SMYD3: variants seen among roughly 807,000 people sequenced by gnomAD.
SMYD3 encodes SET and MYND domain containing 3.
A neutral mutation model predicts 57.7 loss-of-function variants in SMYD3; 36 were observed. That is an observed-to-expected ratio of 0.62 (90% confidence interval 0.48 to 0.82). The LOEUF (loss-of-function observed/expected upper bound fraction) is 0.82. Ranked by LOEUF, SMYD3 falls within the 40% of genes least tolerant of loss-of-function variation. The pLI is 0.00. For missense variants in SMYD3, 515 were observed against 538.8 expected, an observed-to-expected ratio of 0.96 and a Z score of 0.44; for synonymous variants, 211 against 195.0, an observed-to-expected ratio of 1.08 and a Z score of -0.68.
At chr1:246,396,811 G>A (rs137960718) in intron 1 of SMYD3, among the ~76,000 whole-genome samples, 105 of 152,310 alleles carry the variant, frequency 6.9e-4, no homozygotes, top group African/African-American at 2.4e-3. Flanking sequence ...TCCCAAGGAA[G>A]CAGAAGACTG....
Position 245,785,946 on chromosome 1 carries a change from C to T in SMYD3, c.1077-21797G>A, listed in dbSNP as rs140523198. ...TCTCAAATTCCTGGCCTCAAGCAAT[C>T]CTCCCATCTTGGTCTTCCAAAGTAC... On this transcript the variant is annotated intron_variant, in intron 10 of 11. Coordinates refer to ENST00000490107, the MANE Select transcript of SMYD3 (RefSeq NM_001167740.2). Among the ~76,000 whole-genome samples, 409 of 151,970 alleles carry T rather than the reference C, an allele frequency of 2.7e-3. 3 individuals carry two copies. Among genetic ancestry groups the T allele is most frequent in the Admixed American group, 0.011 (169 of 15,242 alleles).
chr1:245,913,136 G>C (rs980735079), intron 8 of SMYD3, among the ~76,000 whole-genome samples: 23 of 152,166 alleles, frequency 1.5e-4, no homozygotes, highest in Middle Eastern at 3.4e-3. Context: ...TGATAGACTG[G>C]ATTAAGAAAA....
Position 246,429,551 on chromosome 1 carries a change from C to T in SMYD3, c.165-74457G>A, listed in dbSNP as rs1239788660. Among the ~76,000 whole-genome samples the T allele has an allele frequency of 7.9e-5, 12 of 152,196 alleles. No homozygotes were observed. The South Asian group carries it at 8.3e-4, about 10-fold the overall frequency. On this transcript the variant is annotated intron_variant, in intron 1 of 11. Coordinates refer to ENST00000490107, the MANE Select transcript of SMYD3 (RefSeq NM_001167740.2). Reference sequence around the variant, plus strand: ...ATAACTGCTTTCCCACATATATCTACATAAGTCTAGGCTATGACTCTATAC... The same window carrying T: ...ATAACTGCTTTCCCACATATATCTATATAAGTCTAGGCTATGACTCTATAC...
At chr1:245,815,956 T>C (rs929163255) in intron 10 of SMYD3, among the ~76,000 whole-genome samples, 4 of 152,192 alleles carry the variant, frequency 2.6e-5, no homozygotes, top group African/African-American at 7.2e-5. Flanking sequence ...TGGGACTGCC[T>C]TGCAGCACTC....
At chr1:246,099,583 C>T (rs1021475969) in intron 5 of SMYD3, among the ~76,000 whole-genome samples, 1 of 152,084 alleles carries the variant, frequency 6.6e-6, no homozygotes, top group Non-Finnish European at 1.5e-5. Context: ...AATTAAAATT[C>T]CAACATTATG....
At chr1:246,062,338 CATCAG>C (rs1354381426) in intron 5 of SMYD3, among the ~76,000 whole-genome samples, 4 of 152,140 alleles carry the variant, frequency 2.6e-5, no homozygotes, top group East Asian at 3.9e-4. Flanking sequence ...AAAAAACATC[CATCAG>C]GAGTACCACT....
intron 5 of SMYD3, among the ~76,000 whole-genome samples, chr1:246,097,571 C>T (rs1351851337): frequency 1.3e-5 from 2 of 152,126 alleles, no homozygotes; most frequent in Non-Finnish European, 2.9e-5. Context: ...TCAGATAGAC[C>T]TGTCCAAAAC....
At chr1:246,394,138 G>A (rs1466714476) in intron 1 of SMYD3, among the ~76,000 whole-genome samples, 3 of 152,166 alleles carry the variant, frequency 2.0e-5, no homozygotes, top group Non-Finnish European at 4.4e-5. Context: ...GGACAATCAT[G>A]TATGTTTTCT....
intron 10 of SMYD3, among the ~76,000 whole-genome samples, chr1:245,841,863 A>G (rs2050419562): frequency 1.3e-5 from 2 of 152,238 alleles, no homozygotes; most frequent in Non-Finnish European, 2.9e-5. Context: ...GCCACATAAC[A>G]TTTCAGTCAA....
intron 10 of SMYD3, among the ~76,000 whole-genome samples, chr1:245,769,376 T>C (rs1385141427): frequency 6.6e-6 from 1 of 152,142 alleles, no homozygotes; most frequent in Admixed American, 6.5e-5. Context: ...AAGCTGAATC[T>C]AACCAAGGCT....
chr1:245,949,825 A>ACCCCCCCCCCCCCCCCCCCCCCC (rs376505931), intron 5 of SMYD3, among the ~76,000 whole-genome samples: 1 of 93,298 alleles, frequency 1.1e-5, no homozygotes, highest in African/African-American at 6.1e-5. Context: ...AAAGAAACCC[A>ACCCCCCCCCCCCCCCCCCCCCCC]CCCCCCCCAC....
chr1:245,825,415 G>A (rs987769157), intron 10 of SMYD3, among the ~76,000 whole-genome samples: 1 of 152,120 alleles, frequency 6.6e-6, no homozygotes, highest in Non-Finnish European at 1.5e-5. Context: ...ATTGGCAAGC[G>A]GCCCCTCCAC....
In SMYD3 at chr1:245,927,635, G is replaced by A. The variant is rs140162426; in HGVS notation, c.702+296C>T. The stretch of plus-strand genomic sequence containing the variant: ...AGGAGATTTCATGAATTCCCTGTGT[G>A]TGCATAAAACACACACCCTCTGTCA... On this transcript the variant is annotated intron_variant, in intron 7 of 11. Coordinates refer to ENST00000490107, the MANE Select transcript of SMYD3 (RefSeq NM_001167740.2). Among the ~76,000 whole-genome samples the A allele has an allele frequency of 6.1e-3, 923 of 152,274 alleles. 11 individuals are homozygous for A. Among genetic ancestry groups the A allele is most frequent in the African/African-American group, 0.021 (885 of 41,538 alleles).
At chr1:245,834,688 GATC>G (rs1208435726) in intron 10 of SMYD3, among the ~76,000 whole-genome samples, 1 of 152,176 alleles carries the variant, frequency 6.6e-6, no homozygotes, top group African/African-American at 2.4e-5. Context: ...CTGTTCGGAG[GATC>G]ACGGCAACAC....
chr1:246,247,913 C>T (rs1283845144), intron 5 of SMYD3, among the ~76,000 whole-genome samples: 1 of 152,138 alleles, frequency 6.6e-6, no homozygotes, highest in Non-Finnish European at 1.5e-5. Context: ...TGAGCAAACG[C>T]TATCTGAGAA....
intron 5 of SMYD3, among the ~76,000 whole-genome samples, chr1:246,142,870 G>C (rs1365275813): frequency 1.3e-5 from 2 of 152,178 alleles, no homozygotes; most frequent in African/African-American, 4.8e-5. Context: ...TTAGTGTGAA[G>C]ACAAGTAAGA....
At chr1:246,180,253 ATC>A (rs937673996) in intron 5 of SMYD3, among the ~76,000 whole-genome samples, 203 of 139,390 alleles carry the variant, frequency 1.5e-3, no homozygotes, top group African/African-American at 5.1e-3. Context: ...AGAAAACATA[ATC>A]TCTCTCTATA....
intron 8 of SMYD3, among the ~76,000 whole-genome samples, chr1:245,890,387 G>GA (rs1478256200): frequency 7.2e-5 from 11 of 152,044 alleles, no homozygotes; most frequent in Middle Eastern, 6.8e-3. Context: ...ACTGAATAAG[G>GA]AAAAAAATCT....
rs760488547 is a variant in SMYD3, at chr1:245,858,690, AG to A, written c.902-21del. On this transcript the variant is annotated intron_variant, in intron 9 of 11. Transcript: ENST00000490107. ...CCCACTCTGTTATTAACCTTAGTTAAGGATTCATTGTCTTCATCAAGAAAAA... is the reference window on the plus strand; with the variant it reads ...CCCACTCTGTTATTAACCTTAGTTAAGATTCATTGTCTTCATCAAGAAAAA... 24 of 1,606,862 alleles carry A rather than the reference AG, an allele frequency of 1.5e-5. No homozygotes were observed. Among genetic ancestry groups the A allele is most frequent in the Middle Eastern group, 1.7e-4 (1 of 6,024 alleles).
Sources: gnomAD v4.1 joint callset for allele counts (sites outside exome capture counted in the v4.1 genomes callset) on GRCh38, gnomAD v4.1.1 for gene constraint, MANE v1.5 for transcripts, NCBI Gene and HGNC (gene_info 2026-07-23, HGNC 2026-07-21) for gene names.